The following GRIA3 variants were observed in gnomAD, a reference collection of about 807,000 sequenced individuals.
The protein encoded by GRIA3 is glutamate receptor 3.
GRIA3 carries 3 observed loss-of-function variants against 63.0 expected under a neutral mutation model. That is an observed-to-expected ratio of 0.05 (90% CI 0.02 to 0.12). GRIA3 has a LOEUF of 0.12. Among genes scored for constraint, GRIA3 ranks in the 10% least tolerant of loss-of-function variants. The pLI is 1.00. For synonymous variants in GRIA3, 274 were observed against 257.9 expected (o/e 1.06, Z -0.60); for missense variants, 347 against 700.9 (o/e 0.50, Z 5.70).
At chrX:123,463,856 C>T (rs1281792623) in intron 12 of GRIA3, among the ~76,000 whole-genome samples, 2 of 109,899 alleles carry the variant, frequency 1.8e-5, no homozygotes, top group African/African-American at 6.7e-5. Flanking sequence ...AGAAACCAAA[C>T]AGAAAAGAAT....
chrX:123,310,270 GT>G (rs757295957), intron 3 of GRIA3, among the ~76,000 whole-genome samples: 8 of 113,039 alleles, frequency 7.1e-5, no homozygotes, highest in South Asian at 3.6e-4. Context: ...CCAGATTCTA[GT>G]TTGCTGAAGC....
At chrX:123,218,175 C>G (rs758601752) in intron 2 of GRIA3, among the ~76,000 whole-genome samples, 183 of 112,091 alleles carry the variant, frequency 1.6e-3, no homozygotes, top group Non-Finnish European at 2.2e-3. Flanking sequence ...TGCCTGGCAC[C>G]TGGGAGAAAG....
intron 5 of GRIA3, 129 bp from the exon 6 acceptor site, chrX:123,394,839 A>G (rs1202211831): frequency 2.0e-6 from 1 of 510,999 alleles, no homozygotes; most frequent in African/African-American, 2.3e-5. Context: ...TTTCATATTC[A>G]AGGCTGTCTT....
In GRIA3 at chrX:123,490,811, T is replaced by C. The variant is rs928158320; in HGVS notation, c.*2101T>C. Reference sequence around the variant, plus strand: ...AAATTGCCAAGCAAACTAATGGCTATAAAAGCGTAATTTGCATGTGTGGGC... The same window carrying C: ...AAATTGCCAAGCAAACTAATGGCTACAAAAGCGTAATTTGCATGTGTGGGC... On this transcript the variant is annotated 3_prime_UTR_variant, in exon 16 of 16. Transcript: ENST00000620443. 2 of 112,446 alleles carry C rather than the reference T, an allele frequency of 1.8e-5. No homozygotes were observed. The highest frequency in any genetic ancestry group is 3.8e-5 in the Non-Finnish European group (2 of 53,263). The allele number at this position is 112,446 out of a possible 1,213,427, so 9.3% of individuals were successfully genotyped here.
intron 3 of GRIA3, among the ~76,000 whole-genome samples, chrX:123,319,461 A>G (rs902594136): frequency 8.9e-6 from 1 of 112,363 alleles, no homozygotes; most frequent in African/African-American, 3.2e-5. Context: ...GAATGTAAAG[A>G]GGGATAAAGT....
intron 15 of GRIA3, among the ~76,000 whole-genome samples, chrX:123,484,864 A>G (rs1451394703): frequency 8.9e-6 from 1 of 112,778 alleles, no homozygotes; most frequent in African/African-American, 3.2e-5. Context: ...ATTCAAATAA[A>G]TCATTTGTCT....
intron 14 of GRIA3, among the ~76,000 whole-genome samples, chrX:123,482,255 C>T (rs1326866059): frequency 1.8e-5 from 2 of 112,082 alleles, no homozygotes; most frequent in Non-Finnish European, 3.8e-5. Flanking sequence ...AATAACTCCT[C>T]AGAGAAAAAT....
At chrX:123,200,917 T>C (rs1927721230) in intron 2 of GRIA3, among the ~76,000 whole-genome samples, 1 of 111,893 alleles carries the variant, frequency 8.9e-6, no homozygotes, top group African/African-American at 3.2e-5. Context: ...ATGGTGGTTA[T>C]GATCAGAAGC....
chrX:123,290,042 A>T (rs1179293248), intron 3 of GRIA3, among the ~76,000 whole-genome samples: 1 of 111,429 alleles, frequency 9.0e-6, no homozygotes, highest in Non-Finnish European at 1.9e-5. Flanking sequence ...GTTTATATTG[A>T]AATGATGCAT....
chrX:123,300,432 T>C (rs1331537962), intron 3 of GRIA3, among the ~76,000 whole-genome samples: 3 of 101,562 alleles, frequency 3.0e-5, no homozygotes, highest in African/African-American at 1.1e-4. Context: ...GAGCTCATTA[T>C]TGATCTTTTC....
At chrX:123,484,302 T>C (rs1017286020) in intron 15 of GRIA3, among the ~76,000 whole-genome samples, 12 of 112,576 alleles carry the variant, frequency 1.1e-4, no homozygotes, top group African/African-American at 3.9e-4. Context: ...AAAGTGCATC[T>C]GTCATCACTA....
At chrX:123,452,247 G>A (rs956520126) in intron 12 of GRIA3, among the ~76,000 whole-genome samples, 3 of 110,665 alleles carry the variant, frequency 2.7e-5, no homozygotes, top group Non-Finnish European at 5.7e-5. Flanking sequence ...AATCACAGAA[G>A]CAGTCATCAG....
intron 13 of GRIA3, among the ~76,000 whole-genome samples, chrX:123,479,593 C>T (rs972406775): frequency 8.9e-6 from 1 of 112,060 alleles, no homozygotes; most frequent in Non-Finnish European, 1.9e-5. Context: ...TCGGATTTAT[C>T]CATTTGTCTC....
chrX:123,332,414 A>G (rs1247379519), intron 4 of GRIA3, among the ~76,000 whole-genome samples: 1 of 111,712 alleles, frequency 9.0e-6, no homozygotes, highest in East Asian at 2.8e-4. Flanking sequence ...ATCTCATATG[A>G]GTTAATCCTC....
intron 13 of GRIA3, among the ~76,000 whole-genome samples, chrX:123,467,762 A>C (rs894930252): frequency 1.8e-5 from 2 of 112,197 alleles, no homozygotes; most frequent in African/African-American, 6.5e-5. Context: ...ATAAACAAAC[A>C]AAAAAATCTG....
intron 3 of GRIA3, among the ~76,000 whole-genome samples, chrX:123,289,254 C>T (rs890955755): frequency 2.7e-5 from 3 of 109,696 alleles, no homozygotes; most frequent in Non-Finnish European, 5.7e-5. Context: ...GAACATCACA[C>T]GCTGGGGCCT....
intron 12 of GRIA3, among the ~76,000 whole-genome samples, chrX:123,431,420 G>A (rs993356000): frequency 5.4e-5 from 6 of 111,843 alleles, no homozygotes; most frequent in South Asian, 3.7e-4. Context: ...GACCTGTTCC[G>A]TCAGGAAAGG....
intron 13 of GRIA3, among the ~76,000 whole-genome samples, chrX:123,472,946 T>C (rs1463744123): frequency 1.8e-5 from 2 of 112,932 alleles, no homozygotes; most frequent in South Asian, 3.6e-4. Flanking sequence ...AGGAGTTAAA[T>C]AGGTTTGAGC....
At chrX:123,347,377 G>A (rs2045058361) in intron 4 of GRIA3, among the ~76,000 whole-genome samples, 1 of 112,215 alleles carries the variant, frequency 8.9e-6, no homozygotes, top group South Asian at 3.7e-4. Flanking sequence ...TGCCAAGTAA[G>A]CAACTATCCT....
Sources: allele counts gnomAD v4.1 joint callset (sites outside exome capture counted in the v4.1 genomes callset), GRCh38; gene constraint gnomAD v4.1.1; transcripts MANE v1.5; gene names NCBI Gene and HGNC (gene_info 2026-07-23, HGNC 2026-07-21).